Variants in ALPL observed in about 807,000 individuals in gnomAD.
ALPL encodes the protein alkaline phosphatase, tissue-nonspecific isozyme.
Under a neutral mutation model 51.3 loss-of-function variants are expected in ALPL, and 42 were observed. The observed-to-expected ratio is 0.82, with a 90% CI of 0.64 to 1.06. The LOEUF is 1.06. ALPL is among the 50% of genes least tolerant of loss of function. ALPL has a pLI of 0.00. For missense variants in ALPL, 589 were observed against 709.4 expected (o/e 0.83, Z 1.93); for synonymous variants, 279 against 296.4 (o/e 0.94, Z 0.60).
chr1:21,515,756 C>T (rs115798082), intron 1 of ALPL, among the ~76,000 whole-genome samples: 1,807 of 152,342 alleles, frequency 0.012, 44 homozygotes, highest in African/African-American at 0.041. Context: ...AGTAAAGCCA[C>T]AGGGTGGGTA....
rs1196976671 is a variant in ALPL, at chr1:21,577,475, G to A, written c.1402G>A (p.Ala468Thr). Reference sequence around the variant, plus strand: ...GGCCGTCTTCTCCAAGGGCCCCATGGCGCACCTGCTGCACGGCGTCCACGA... The same window carrying A: ...GGCCGTCTTCTCCAAGGGCCCCATGACGCACCTGCTGCACGGCGTCCACGA... ...DVAVFSKGPMAHLLHGVHEQN... is the reference protein window; with the variant it reads ...DVAVFSKGPMTHLLHGVHEQN... Residue 468 changes from alanine to threonine, a missense_variant, in exon 12 of 12, where the codon GCG becomes ACG. Physicochemically the swap from Ala to Thr is moderately conservative, Grantham distance 58. Coordinates refer to ENST00000374840, the MANE Select transcript of ALPL (RefSeq NM_000478.6). 4 of 1,610,424 alleles carry A rather than the reference G, an allele frequency of 2.5e-6. No individual in the cohort carries two copies. The highest frequency in any genetic ancestry group is 3.4e-6 in the Non-Finnish European group (4 of 1,179,926).
In ALPL at chr1:21,577,754, A is replaced by G. The variant is rs1558559382; in HGVS notation, c.*106A>G. The G allele has an allele frequency of 4.9e-6, 7 of 1,423,832 alleles. No homozygotes were observed. Among genetic ancestry groups the G allele is most frequent in the Non-Finnish European group, 6.6e-6 (7 of 1,062,842 alleles). 88.2% of individuals were successfully genotyped at this position (1,423,832 alleles called of 1,614,324 possible). On this transcript the variant is annotated 3_prime_UTR_variant, in exon 12 of 12. Transcript: ENST00000374840. ...GGTGGGGGCCTCCTCAGCCTCTGCA[A>G]CTGCAAGAAAGGGGACCCAAGAAAC...
chr1:21,533,933 AAAAAG>A (rs988197493), intron 1 of ALPL, among the ~76,000 whole-genome samples: 59 of 95,824 alleles, frequency 6.2e-4, no homozygotes, highest in South Asian at 1.5e-3. Flanking sequence ...TCAAAAAAAA[AAAAAG>A]AAGAAGAAGA....
At chr1:21,554,325 CAT>C (rs61491376) in intron 2 of ALPL, among the ~76,000 whole-genome samples, 183 bp downstream of exon 2, 3 of 146,294 alleles carry the variant, frequency 2.1e-5, no homozygotes, top group Non-Finnish European at 3.0e-5. Flanking sequence ...ACTCTTTTCC[CAT>C]ATATATATAT....
chr1:21,565,677 A>G (rs1379464285), intron 6 of ALPL, among the ~76,000 whole-genome samples: 1 of 151,568 alleles, frequency 6.6e-6, no homozygotes, highest in Non-Finnish European at 1.5e-5. Flanking sequence ...AGGACGGAGG[A>G]CCTGTGTGAG....
intron 1 of ALPL, among the ~76,000 whole-genome samples, chr1:21,553,582 C>A (rs1286320211): frequency 1.3e-5 from 2 of 152,190 alleles, no homozygotes; most frequent in African/African-American, 2.4e-5. Context: ...GAAATACAAT[C>A]GGAGCCTCAC....
chr1:21,530,921 C>T (rs1228936244), intron 1 of ALPL, among the ~76,000 whole-genome samples: 1 of 150,824 alleles, frequency 6.6e-6, no homozygotes, highest in Admixed American at 6.6e-5. Flanking sequence ...GCTGGGACCA[C>T]AGGCGTGCAC....
In ALPL at chr1:21,552,031, G is replaced by A. The variant is rs866008887; in HGVS notation, c.-104-1947G>A. On this transcript the variant is annotated intron_variant, in intron 1 of 11. Transcript: ENST00000374840. Reference sequence around the variant, plus strand: ...TGAGCCACCGCGCCCGGCCATTTGCGTGTTTTTAAGGTTGAATCAAGATCC... The same window carrying A: ...TGAGCCACCGCGCCCGGCCATTTGCATGTTTTTAAGGTTGAATCAAGATCC... Among the ~76,000 whole-genome samples the A allele has an allele frequency of 5.3e-4, 79 of 148,622 alleles. No individual in the cohort carries two copies. The Middle Eastern group carries it at 0.014, about 26-fold the overall frequency.
intron 4 of ALPL, among the ~76,000 whole-genome samples, chr1:21,561,767 A>C (rs554372278): frequency 1.4e-5 from 2 of 147,720 alleles, no homozygotes; most frequent in African/African-American, 5.2e-5. Context: ...CCCGAGTTCA[A>C]GTGATTCTTC....
At chr1:21,549,764 G>A (rs1040670291) in intron 1 of ALPL, among the ~76,000 whole-genome samples, 5 of 152,048 alleles carry the variant, frequency 3.3e-5, no homozygotes, top group African/African-American at 9.7e-5. Context: ...CACTTGGCTC[G>A]GTAGTATATG....
At chr1:21,556,311 T>C (rs1226892120) in intron 2 of ALPL, among the ~76,000 whole-genome samples, 1 of 152,174 alleles carries the variant, frequency 6.6e-6, no homozygotes, top group Non-Finnish European at 1.5e-5. Context: ...CAAGGCAAAA[T>C]GTGTACCTTA....
rs115762478 is a variant in ALPL at position 21,559,085 on chromosome 1, C to T, written c.62-1541C>T. 5.0e-3 allele frequency among the ~76,000 whole-genome samples: 754 copies of T among 152,198 alleles called. 12 individuals are homozygous for T. The highest frequency in any genetic ancestry group is 0.015 in the African/African-American group (642 of 41,526). ...GCCACTCCGAGAGCCAGGCACGCGT[C>T]GGAGCTGGGCCAAAAGATGAGAATT... On this transcript the variant is annotated intron_variant, in intron 2 of 11. Transcript: ENST00000374840.
intron 1 of ALPL, among the ~76,000 whole-genome samples, chr1:21,536,742 A>G (rs1024871596): frequency 2.0e-5 from 3 of 151,874 alleles, no homozygotes; most frequent in Non-Finnish European, 4.4e-5. Context: ...GTCACTTCCC[A>G]AGGAAACTTG....
rs140167865 is a variant in ALPL at position 21,563,225 on chromosome 1, G to A, written c.413G>A (p.Arg138Gln). Residue 138 changes from arginine (R) to glutamine (Q), a missense_variant, in exon 5 of 12, where the codon CGG becomes CAG. Physicochemically the swap from Arg to Gln is conservative, Grantham distance 43. Transcript: ENST00000374840. ...GTAAGCGCAGCCACTGAGCGTTCCC[G>A]GTGCAACACCACCCAGGGGAACGAG... ...VGVSAATERS[R>Q]CNTTQGNEVT... is the part of the protein sequence containing the mutation. 1.8e-4 allele frequency: 296 copies of A among 1,613,740 alleles called. No individual in the cohort carries two copies. The highest frequency in any genetic ancestry group is 1.6e-4 in the Middle Eastern group (1 of 6,082).
chr1:21,542,673 C>T (rs1054268257), intron 1 of ALPL, among the ~76,000 whole-genome samples: 1 of 152,192 alleles, frequency 6.6e-6, no homozygotes, highest in African/African-American at 2.4e-5. Context: ...GAAACCCTGT[C>T]TCTACTAAAA....
At chr1:21,543,421 C>T (rs1644215076) in intron 1 of ALPL, among the ~76,000 whole-genome samples, 1 of 151,984 alleles carries the variant, frequency 6.6e-6, no homozygotes, top group Non-Finnish European at 1.5e-5. Context: ...ACACGTTTAA[C>T]TACTTCTCAG....
chr1:21,512,471 GCAGTTAACTTTATCC>G, intron 1 of ALPL, among the ~76,000 whole-genome samples: 1 of 152,274 alleles, frequency 6.6e-6, no homozygotes, highest in East Asian at 1.9e-4. Flanking sequence ...AATTTCAAAA[GCAGTTAACTTTATCC>G]CTACCAGGTG....
At chr1:21,544,377 TG>T (rs1284469731) in intron 1 of ALPL, among the ~76,000 whole-genome samples, 1 of 152,052 alleles carries the variant, frequency 6.6e-6, no homozygotes, top group Admixed American at 6.5e-5. Context: ...TGACTGAGAG[TG>T]GTGCTAAGGC....
chr1:21,509,531 G>T lies in ALPL; in HGVS notation c.-105+14G>T, dbSNP rs965843817. ...TGCTCTGCGCAGGTAAGGATTCGAC[G>T]CTGCCCCGCGCCCTGGTTCCCCAGG... is the stretch of plus-strand genomic sequence containing the variant. On this transcript the variant is annotated intron_variant, in intron 1 of 11. Transcript: ENST00000374840. This position sits in a 1 kb window ranked among gnomAD's most constrained non-coding sequence, Gnocchi z 6.0. 1.3e-5 allele frequency: 2 copies of T among 152,186 alleles called. No individual in the cohort carries two copies. The highest frequency in any genetic ancestry group is 1.3e-4 in the Admixed American group (2 of 15,284). The allele number at this position is 152,186 out of a possible 1,614,324, so 9.4% of individuals were successfully genotyped here.
Sources: gnomAD v4.1 joint callset for allele counts (sites outside exome capture counted in the v4.1 genomes callset) on GRCh38, gnomAD v4.1.1 for gene constraint, Gnocchi (gnomAD v3.1) non-coding constraint, MANE v1.5 for transcripts, NCBI Gene and HGNC (gene_info 2026-07-23, HGNC 2026-07-21) for gene names.